The following FGFR2 variants were observed in gnomAD, a reference collection of about 807,000 sequenced individuals.
FGFR2 encodes the protein fibroblast growth factor receptor 2.
In FGFR2, 19 loss-of-function variants were observed where a neutral mutation model predicts 95.9. That is an observed-to-expected ratio of 0.20 (90% confidence interval 0.14 to 0.29). The LOEUF is 0.29. Among genes scored for constraint, FGFR2 ranks in the 10% least tolerant of loss-of-function variants. The pLI is 1.00. For missense variants in FGFR2, 707 were observed against 1,056.9 expected, an observed-to-expected ratio of 0.67 and a Z score of 4.59; for synonymous variants, 392 against 393.3, an observed-to-expected ratio of 1.00 and a Z score of 0.04.
intron 11 of FGFR2, among the ~76,000 whole-genome samples, chr10:121,499,728 G>T (rs947714837): frequency 1.3e-5 from 2 of 152,214 alleles, no homozygotes; most frequent in Admixed American, 6.5e-5. Context: ...ACGCAGCCAG[G>T]GGCTGCCTCA....
At chr10:121,548,281 G>GTTTTTTTTTTTT (rs1854856584) in intron 5 of FGFR2, among the ~76,000 whole-genome samples, 8 of 31,984 alleles carry the variant, frequency 2.5e-4, no homozygotes, top group Non-Finnish European at 3.7e-4. Flanking sequence ...TTTTTTTTTG[G>GTTTTTTTTTTTT]TAAAGCAAAA....
chr10:121,512,688 T>C (rs1186996314), intron 9 of FGFR2, among the ~76,000 whole-genome samples: 3 of 152,044 alleles, frequency 2.0e-5, no homozygotes, highest in Non-Finnish European at 4.4e-5. Context: ...TACCATCAAA[T>C]AACCTTGGAA....
rs41301571 is a variant in FGFR2 at position 121,586,717 on chromosome 10, T to A, written c.109+6992A>T. On this transcript the variant is annotated intron_variant, in intron 2 of 17. Transcript: ENST00000358487. Reference sequence around the variant, plus strand: ...CATGGCTTGTCCCAATGATTCATACTTGTGTATAAATATTTAAATGGTAAG... The same window carrying A: ...CATGGCTTGTCCCAATGATTCATACATGTGTATAAATATTTAAATGGTAAG... Among the ~76,000 whole-genome samples the A allele has an allele frequency of 9.8e-3, 1,487 of 152,336 alleles. 20 individuals carry two copies. Among genetic ancestry groups the A allele is most frequent in the East Asian group, 0.047 (242 of 5,184 alleles).
chr10:121,548,097 A>G (rs1854786652), intron 5 of FGFR2, among the ~76,000 whole-genome samples: 1 of 151,866 alleles, frequency 6.6e-6, no homozygotes, highest in Non-Finnish European at 1.5e-5. Flanking sequence ...CCCTTGATCA[A>G]CCTAGGCTGA....
At chr10:121,569,371 C>T (rs1167049847) in intron 2 of FGFR2, among the ~76,000 whole-genome samples, 2 of 152,102 alleles carry the variant, frequency 1.3e-5, no homozygotes, top group East Asian at 1.9e-4. Context: ...CAGGCGTGCA[C>T]CACCACACCC....
intron 2 of FGFR2, among the ~76,000 whole-genome samples, chr10:121,577,172 T>C (rs1260768109): frequency 3.2e-4 from 1 of 3,154 alleles, no homozygotes; most frequent in Non-Finnish European, 6.2e-4. Context: ...TATATATATA[T>C]ATATATAGAG....
intron 2 of FGFR2, among the ~76,000 whole-genome samples, chr10:121,579,710 C>T (rs910598128): frequency 6.6e-6 from 1 of 152,156 alleles, no homozygotes; most frequent in African/African-American, 2.4e-5. Flanking sequence ...GCTCAGGAGC[C>T]GGATAACTTA....
chr10:121,556,623 C>T (rs1040074307), intron 4 of FGFR2, among the ~76,000 whole-genome samples: 1 of 152,194 alleles, frequency 6.6e-6, no homozygotes, highest in Non-Finnish European at 1.5e-5. Flanking sequence ...CCAGGCCCAT[C>T]TCCAGCTCCC....
intron 12 of FGFR2, among the ~76,000 whole-genome samples, 178 bp downstream of exon 12, chr10:121,498,317 G>T (rs1847144539): frequency 6.6e-6 from 1 of 152,166 alleles, no homozygotes; most frequent in Non-Finnish European, 1.5e-5. Flanking sequence ...CCCAGGTACG[G>T]GCACAGACCC....
intron 2 of FGFR2, among the ~76,000 whole-genome samples, chr10:121,567,306 G>C (rs868001341): frequency 1.2e-4 from 19 of 152,300 alleles, no homozygotes; most frequent in Middle Eastern, 3.4e-3. Flanking sequence ...TGCATGCCAA[G>C]CCCCAGATGC....
chr10:121,511,374 G>A (rs1462203213), intron 9 of FGFR2, among the ~76,000 whole-genome samples: 1 of 152,104 alleles, frequency 6.6e-6, no homozygotes, highest in Non-Finnish European at 1.5e-5. Flanking sequence ...AGCAAACCCA[G>A]CAACACCGCA....
chr10:121,592,483 G>T (rs574343916), intron 2 of FGFR2, among the ~76,000 whole-genome samples: 1 of 152,222 alleles, frequency 6.6e-6, no homozygotes, highest in East Asian at 1.9e-4. Flanking sequence ...GTAACGAAAA[G>T]TTCCCCAGTC....
chr10:121,567,663 T>A (rs533132635), intron 2 of FGFR2, among the ~76,000 whole-genome samples: 1 of 152,216 alleles, frequency 6.6e-6, no homozygotes, highest in African/African-American at 2.4e-5. Context: ...CACACAGCAG[T>A]GGCAGAGGAG....
intron 16 of FGFR2, among the ~76,000 whole-genome samples, chr10:121,484,732 A>C (rs919096767): frequency 1.3e-5 from 2 of 152,210 alleles, no homozygotes; most frequent in African/African-American, 4.8e-5. Flanking sequence ...TTTTGCTACA[A>C]ACCAGTTCAT....
rs1844372515 is a variant in FGFR2, at chr10:121,479,317, T to G, written c.*540A>C. The G allele has an allele frequency of 1.1e-5, 3 of 263,000 alleles. No individual in the cohort carries two copies. The East Asian group carries it at 1.7e-4, about 15-fold the overall frequency. The allele number at this position is 263,000 out of a possible 1,614,324, so 16.3% of individuals were successfully genotyped here. On this transcript the variant is annotated 3_prime_UTR_variant, in exon 18 of 18. Transcript: ENST00000358487. ...CCTCTGCTCGGTGAAAATTAAGAAA[T>G]TATGTGTAAGAACAGCATTTAGCAA... is the stretch of plus-strand genomic sequence containing the variant.
chr10:121,491,615 T>C (rs1055203957), intron 13 of FGFR2, among the ~76,000 whole-genome samples: 5 of 152,020 alleles, frequency 3.3e-5, no homozygotes, highest in Admixed American at 2.6e-4. Context: ...TCACACCTGT[T>C]ATCCCAGCAC....
At chr10:121,560,301 A>G (rs1219295474) in intron 4 of FGFR2, among the ~76,000 whole-genome samples, 1 of 152,130 alleles carries the variant, frequency 6.6e-6, no homozygotes, top group Non-Finnish European at 1.5e-5. Flanking sequence ...CTCCAGCTTC[A>G]TGCCAGAGCC....
Position 121,519,481 on chromosome 10 carries a change from TA to T in FGFR2, c.939+497del, listed in dbSNP as rs936002560. On this transcript the variant is annotated intron_variant, in intron 7 of 17. Transcript: ENST00000358487. ...GGGTTTTGTTTTGTTTTGTTTTTGT[TA>T]AAAAAAAAATCCAAATTGTTTCTAA... Among the ~76,000 whole-genome samples the T allele has an allele frequency of 3.3e-3, 493 of 150,484 alleles. 2 individuals carry two copies. The highest frequency in any genetic ancestry group is 0.011 in the African/African-American group (467 of 41,088).
At chr10:121,587,103 C>T (rs1861943547) in intron 2 of FGFR2, among the ~76,000 whole-genome samples, 1 of 152,144 alleles carries the variant, frequency 6.6e-6, no homozygotes. Flanking sequence ...ACACCTACCG[C>T]ACACCTACGA....
Sources: allele counts gnomAD v4.1 joint callset (sites outside exome capture counted in the v4.1 genomes callset), GRCh38; gene constraint gnomAD v4.1.1; transcripts MANE v1.5; gene names NCBI Gene and HGNC (gene_info 2026-07-23, HGNC 2026-07-21).